Variants in FUT8 observed in about 807,000 individuals in gnomAD.
FUT8 encodes alpha-(1,6)-fucosyltransferase.
In FUT8, 29 loss-of-function variants were observed where a neutral mutation model predicts 71.3. The observed-to-expected ratio is 0.41, with a 90% CI of 0.30 to 0.55. The LOEUF (loss-of-function observed/expected upper bound fraction) is 0.55. Among genes scored for constraint, FUT8 ranks in the 20% least tolerant of loss-of-function variants. FUT8 has a pLI of 0.34. For missense variants in FUT8, 544 were observed against 702.1 expected (o/e 0.77, Z 2.55); for synonymous variants, 254 against 239.3 (o/e 1.06, Z -0.57).
intron 6 of FUT8, among the ~76,000 whole-genome samples, chr14:65,655,667 A>G (rs1763183432): frequency 6.6e-6 from 1 of 152,194 alleles, no homozygotes; most frequent in African/African-American, 2.4e-5. Flanking sequence ...GGCAGAACTG[A>G]AAGGAGAACA....
chr14:65,589,020 C>G (rs899887202), intron 3 of FUT8, among the ~76,000 whole-genome samples: 1 of 152,104 alleles, frequency 6.6e-6, no homozygotes, highest in Non-Finnish European at 1.5e-5. Context: ...TCTTGTCGCT[C>G]TCAATCTCTT....
chr14:65,581,325 A>G (rs1304651740), intron 3 of FUT8, among the ~76,000 whole-genome samples: 4 of 152,234 alleles, frequency 2.6e-5, no homozygotes, highest in South Asian at 4.1e-4. Context: ...ATAACAGAAT[A>G]AGAAGACTAA....
the FUT8 span, among the ~76,000 whole-genome samples, chr14:65,377,065 T>C: frequency 6.6e-6 from 1 of 152,246 alleles, no homozygotes; most frequent in Non-Finnish European, 1.5e-5. Context: ...AAAATGTTAC[T>C]GCTGCTTCCT....
chr14:65,624,279 G>A (rs1349791543), intron 5 of FUT8, among the ~76,000 whole-genome samples: 1 of 106,568 alleles, frequency 9.4e-6, no homozygotes, highest in Non-Finnish European at 2.0e-5. Flanking sequence ...AAACATTAGT[G>A]TACTCTTTTT....
At chr14:65,704,430 T>G (rs1452290804) in intron 7 of FUT8, among the ~76,000 whole-genome samples, 1 of 151,982 alleles carries the variant, frequency 6.6e-6, no homozygotes, top group African/African-American at 2.4e-5. Context: ...GCCTTCCTAC[T>G]GCTTTCTGTT....
In FUT8 at chr14:65,413,451, C is replaced by T. The variant is rs1200324167; in HGVS notation, c.-326+237C>T. 6.6e-6 allele frequency among the ~76,000 whole-genome samples: 1 copy of T among 152,000 alleles called. No homozygotes were observed. The highest frequency in any genetic ancestry group is 1.5e-5 in the Non-Finnish European group (1 of 68,008). ...GGCAGAGGGTGAGGGGCGCCCGCCT[C>T]TCCAGCCGGGACGCGGAGCTGCGCC... On this transcript the variant is annotated intron_variant, in intron 1 of 10. Coordinates refer to ENST00000673929, the MANE Select transcript of FUT8 (RefSeq NM_001371533.1). This position sits in a 1 kb window ranked among gnomAD's most constrained non-coding sequence, Gnocchi z 4.1.
chr14:65,511,828 CT>C (rs1882366067), intron 2 of FUT8, among the ~76,000 whole-genome samples: 1 of 152,044 alleles, frequency 6.6e-6, no homozygotes, highest in African/African-American at 2.4e-5. Flanking sequence ...ATTAATGGGT[CT>C]TCTTTTTTTA....
At chr14:65,582,963 A>C (rs1324231656) in intron 3 of FUT8, among the ~76,000 whole-genome samples, 1 of 152,162 alleles carries the variant, frequency 6.6e-6, no homozygotes. Flanking sequence ...TTAGTCCAGT[A>C]CCTCTGGCAT....
intron 3 of FUT8, among the ~76,000 whole-genome samples, chr14:65,600,401 A>G (rs371943264): frequency 5.3e-5 from 8 of 152,284 alleles, no homozygotes; most frequent in African/African-American, 1.7e-4. Flanking sequence ...AGCAACTACT[A>G]TGTGTCGTGA....
intron 7 of FUT8, among the ~76,000 whole-genome samples, chr14:65,692,763 G>C (rs1188206346): frequency 6.7e-6 from 1 of 149,448 alleles, no homozygotes; most frequent in African/African-American, 2.5e-5. Context: ...GGTGGTTGCC[G>C]GGCAGAGGGT....
Position 65,627,132 on chromosome 14 carries a change from T to G in FUT8, c.483-2360T>G, listed in dbSNP as rs1360786433. Among the ~76,000 whole-genome samples the G allele has an allele frequency of 6.6e-6, 1 of 151,526 alleles. No individual in the cohort carries two copies. Among genetic ancestry groups the G allele is most frequent in the African/African-American group, 2.4e-5 (1 of 41,214 alleles). ...TTTTAAATAACAAAAAACAAAAAAATAAAAGAAGCAACCAAAAAAAAGTTC... is the reference window on the plus strand; with the variant it reads ...TTTTAAATAACAAAAAACAAAAAAAGAAAAGAAGCAACCAAAAAAAAGTTC... On this transcript the variant is annotated intron_variant, in intron 5 of 10. Transcript: ENST00000673929. This position sits in a 1 kb window ranked among gnomAD's most constrained non-coding sequence, Gnocchi z 4.0.
chr14:65,586,628 C>G (rs78342896), intron 3 of FUT8, among the ~76,000 whole-genome samples: 3,515 of 152,204 alleles, frequency 0.023, 138 homozygotes, highest in African/African-American at 0.079. Context: ...TTAATAACAT[C>G]TAAAATTTAA....
intron 6 of FUT8, among the ~76,000 whole-genome samples, chr14:65,644,474 C>A (rs1383419005): frequency 6.6e-6 from 1 of 152,020 alleles, no homozygotes; most frequent in Non-Finnish European, 1.5e-5. Context: ...ATTCTCCTGC[C>A]TCAGCCTCCC....
chr14:65,419,281 AAAAC>A (rs2065259533), intron 1 of FUT8, among the ~76,000 whole-genome samples: 1 of 152,212 alleles, frequency 6.6e-6, no homozygotes, highest in Non-Finnish European at 1.5e-5. Flanking sequence ...ACAAAACAAA[AAAAC>A]AAAAACAAAT....
At position 65,719,681 on chromosome 14, in the gene FUT8, C is replaced by T. The variant is rs531205836; in HGVS notation, c.836-2094C>T. 6.1e-4 allele frequency among the ~76,000 whole-genome samples: 93 copies of T among 152,298 alleles called. No homozygotes were observed. The Middle Eastern group carries it at 0.01, about 17-fold the overall frequency. ...TCTACATTAGGGGGCACCCCAAGCC[C>T]GATAATGCTGTGGTTCTTACAGACT... On this transcript the variant is annotated intron_variant, in intron 7 of 10. Transcript: ENST00000673929.
At chr14:65,618,450 A>C (rs527505297) in intron 5 of FUT8, among the ~76,000 whole-genome samples, 1 of 152,246 alleles carries the variant, frequency 6.6e-6, no homozygotes, top group Non-Finnish European at 1.5e-5. Context: ...AAAGGTACCC[A>C]AGTCAGTTTA....
the FUT8 span, among the ~76,000 whole-genome samples, chr14:65,394,107 C>T: frequency 6.6e-6 from 1 of 152,168 alleles, no homozygotes; most frequent in Non-Finnish European, 1.5e-5. Flanking sequence ...CACGCATGCA[C>T]CACCATGCCT....
chr14:65,742,373 C>T lies in FUT8; in HGVS notation c.1691C>T (p.Thr564Met), dbSNP rs531924498. The change falls in exon 11 of 11, where the codon ACG (threonine) becomes ATG (methionine). Residue 564 changes from threonine to methionine, a missense_variant. Transcript: ENST00000673929. ...TACAAAGTTCGAGAGAAGATAGAAACGGTCAAGTACCCCACATATCCTGAG... is the reference window on the plus strand; with the variant it reads ...TACAAAGTTCGAGAGAAGATAGAAATGGTCAAGTACCCCACATATCCTGAG... The part of the protein sequence containing the change: ...PSYKVREKIE[T>M]VKYPTYPEAE... 64 of 1,612,558 alleles carry T rather than the reference C, an allele frequency of 4.0e-5. 1 individual carries two copies. The South Asian group carries it at 5.6e-4, about 14-fold the overall frequency.
At chr14:65,557,029 T>C (rs1409875040) in intron 2 of FUT8, among the ~76,000 whole-genome samples, 1 of 152,066 alleles carries the variant, frequency 6.6e-6, no homozygotes, top group East Asian at 1.9e-4. Context: ...ATAAAATTAC[T>C]TTTTTTGGAG....
Sources: gnomAD v4.1 joint callset for allele counts (sites outside exome capture counted in the v4.1 genomes callset) on GRCh38, gnomAD v4.1.1 for gene constraint, Gnocchi (gnomAD v3.1) non-coding constraint, MANE v1.5 for transcripts, NCBI Gene and HGNC (gene_info 2026-07-23, HGNC 2026-07-21) for gene names.